The following PRDM6 variants were observed in gnomAD, a reference collection of about 807,000 sequenced individuals.
PRDM6 encodes the protein putative histone-lysine N-methyltransferase PRDM6.
A neutral mutation model predicts 60.8 loss-of-function variants in PRDM6; 25 were observed. The observed-to-expected ratio is 0.41, with a 90% CI of 0.30 to 0.57. PRDM6 has a LOEUF of 0.57. Among genes scored for constraint, PRDM6 ranks in the 20% least tolerant of loss-of-function variants. The pLI is 0.27. For synonymous variants in PRDM6, 407 were observed against 357.4 expected (o/e 1.14, Z -1.57); for missense variants, 839 against 821.3 (o/e 1.02, Z -0.26).
At position 123,164,786 on chromosome 5, in the gene PRDM6, G is replaced by T. The variant is rs114385118; in HGVS notation, c.1153+5148G>T. Among the ~76,000 whole-genome samples, 994 of 152,224 alleles carry T rather than the reference G, an allele frequency of 6.5e-3. 15 individuals are homozygous for T. Among genetic ancestry groups the T allele is most frequent in the African/African-American group, 0.023 (956 of 41,526 alleles). On this transcript the variant is annotated intron_variant, in intron 5 of 7. Coordinates refer to ENST00000407847, the MANE Select transcript of PRDM6 (RefSeq NM_001136239.4). ...GCTACTGGATGGAGGTGCTCATTCC[G>T]ACTGTTTGTGGGAGTGTAGGGGGCT...
intron 3 of PRDM6, among the ~76,000 whole-genome samples, chr5:123,113,772 A>G (rs1215486226): frequency 3.3e-5 from 5 of 152,134 alleles, no homozygotes; most frequent in Non-Finnish European, 5.9e-5. Context: ...TTCTAGGTGG[A>G]CACTGCACTG....
intron 3 of PRDM6, among the ~76,000 whole-genome samples, chr5:123,153,979 A>G (rs1223787956): frequency 7.2e-5 from 11 of 152,174 alleles, no homozygotes; most frequent in Admixed American, 7.2e-4. Flanking sequence ...TGGGTCATCA[A>G]CATTTCTTAC....
intron 1 of PRDM6, 63 bp downstream of exon 1, chr5:123,089,582 C>A (rs1016069537): frequency 5.6e-6 from 1 of 177,712 alleles, no homozygotes; most frequent in African/African-American, 2.4e-5. Flanking sequence ...GGTTGGTGGT[C>A]CTAGGTTGGG....
At chr5:123,149,154 C>T (rs559849426) in intron 3 of PRDM6, among the ~76,000 whole-genome samples, 1 of 152,280 alleles carries the variant, frequency 6.6e-6, no homozygotes, top group South Asian at 2.1e-4. Context: ...TGTGATCTTT[C>T]TTCTCAAGCC....
At chr5:123,106,085 G>T (rs1764192486) in intron 3 of PRDM6, among the ~76,000 whole-genome samples, 1 of 152,208 alleles carries the variant, frequency 6.6e-6, no homozygotes, top group Non-Finnish European at 1.5e-5. Flanking sequence ...TTTTCAAAGT[G>T]AATTTACAAC....
chr5:123,175,334 T>G (rs1248099259), intron 6 of PRDM6, among the ~76,000 whole-genome samples: 2 of 152,220 alleles, frequency 1.3e-5, no homozygotes, highest in Non-Finnish European at 2.9e-5. Flanking sequence ...CATCACCTAT[T>G]CACATTTGTG....
chr5:123,122,146 G>A (rs182432601), intron 3 of PRDM6, among the ~76,000 whole-genome samples: 2,541 of 136,502 alleles, frequency 0.019, 95 homozygotes, highest in African/African-American at 0.068. Context: ...CTGGGCGACA[G>A]TGCGAGACTC....
chr5:123,098,548 T>G (rs1764014463), intron 2 of PRDM6, among the ~76,000 whole-genome samples: 1 of 152,124 alleles, frequency 6.6e-6, no homozygotes. Context: ...CCAGCCCAGT[T>G]CGAGTGGAGG....
chr5:123,102,498 G>A (rs1764126343), intron 3 of PRDM6, among the ~76,000 whole-genome samples: 1 of 146,832 alleles, frequency 6.8e-6, no homozygotes, highest in Non-Finnish European at 1.5e-5. Flanking sequence ...GAATCAGTAA[G>A]TAGAATACAT....
intron 3 of PRDM6, among the ~76,000 whole-genome samples, chr5:123,121,207 T>TA (rs564701383): frequency 1.4e-3 from 214 of 152,338 alleles, no homozygotes; most frequent in Non-Finnish European, 2.2e-3. Context: ...AAGCTTTTTT[T>TA]ACCTATGTTT....
chr5:123,174,166 A>G (rs1490691604), intron 6 of PRDM6, among the ~76,000 whole-genome samples: 1 of 152,242 alleles, frequency 6.6e-6, no homozygotes, highest in Non-Finnish European at 1.5e-5. Flanking sequence ...GAAATCTGAA[A>G]TGCATCATTG....
chr5:123,153,126 G>T (rs1765407399), intron 3 of PRDM6, among the ~76,000 whole-genome samples: 1 of 150,016 alleles, frequency 6.7e-6, no homozygotes, highest in African/African-American at 2.5e-5. Context: ...ATTTTCCCAA[G>T]AGGATAACAG....
chr5:123,131,991 G>A (rs1764844283), intron 3 of PRDM6, among the ~76,000 whole-genome samples: 1 of 152,162 alleles, frequency 6.6e-6, no homozygotes, highest in African/African-American at 2.4e-5. Flanking sequence ...GTTCCATAAA[G>A]CAGTTTGAGA....
At chr5:123,167,228 T>C (rs1765772251) in intron 5 of PRDM6, among the ~76,000 whole-genome samples, 1 of 151,908 alleles carries the variant, frequency 6.6e-6, no homozygotes, top group African/African-American at 2.4e-5. Flanking sequence ...GTCACCCTAC[T>C]GATCTATCAA....
intron 6 of PRDM6, among the ~76,000 whole-genome samples, chr5:123,172,989 A>G (rs1765928742): frequency 6.6e-6 from 1 of 152,194 alleles, no homozygotes; most frequent in South Asian, 2.1e-4. Context: ...CAGGAGATCC[A>G]GACCATCCTG....
chr5:123,090,692 G>C (rs1357264258), intron 2 of PRDM6, 86 bp downstream of exon 2: 1 of 354,172 alleles, frequency 2.8e-6, no homozygotes, highest in Admixed American at 5.0e-5. Flanking sequence ...AGGCGGGTCG[G>C]ATAGGAGTGA....
chr5:123,114,381 A>C (rs1429485480), intron 3 of PRDM6, among the ~76,000 whole-genome samples: 1 of 152,104 alleles, frequency 6.6e-6, no homozygotes, highest in Non-Finnish European at 1.5e-5. Context: ...TGGTCAACCC[A>C]TCTCTTTTAC....
chr5:123,094,675 A>G (rs1050538890), intron 2 of PRDM6, among the ~76,000 whole-genome samples: 4 of 152,154 alleles, frequency 2.6e-5, no homozygotes, highest in Non-Finnish European at 4.4e-5. Context: ...ACAAGCCACA[A>G]TTAATTGCCC....
At position 123,090,206 on chromosome 5, in the gene PRDM6, T is replaced by C. The variant is rs747032271; in HGVS notation, c.192T>C (p.Pro64=). The change falls in exon 2 of 8, where the codon CCT becomes CCC. Residue 64 remains proline, a synonymous_variant. Coordinates refer to ENST00000407847, the MANE Select transcript of PRDM6 (RefSeq NM_001136239.4). The part of the protein sequence containing the change: ...PPPPPPERAE[P]PPDSLRPRPA... ...CCCCGCCCCCGGAGCGCGCTGAGCC[T>C]CCGCCGGACAGCCTGCGCCCGCGGC... The C allele has an allele frequency of 7.6e-5, 112 of 1,479,946 alleles. No homozygotes were observed. The South Asian group carries it at 1.3e-3, about 18-fold the overall frequency. 91.7% of individuals were successfully genotyped at this position (1,479,946 alleles called of 1,614,324 possible).
Sources: gnomAD v4.1 joint callset for allele counts (sites outside exome capture counted in the v4.1 genomes callset) on GRCh38, gnomAD v4.1.1 for gene constraint, MANE v1.5 for transcripts, NCBI Gene and HGNC (gene_info 2026-07-23, HGNC 2026-07-21) for gene names.